DTNA: variants seen among roughly 807,000 people sequenced by gnomAD.
The protein encoded by DTNA is dystrophin-related protein 3.
In DTNA, 43 loss-of-function variants were observed where a neutral mutation model predicts 100.7. The observed-to-expected ratio is 0.43, with a 90% confidence interval of 0.33 to 0.55. The LOEUF is 0.55. Among genes scored for constraint, DTNA ranks in the 20% least tolerant of loss-of-function variants. The pLI is 0.04. For missense variants in DTNA, 798 were observed against 953.9 expected, an observed-to-expected ratio of 0.84 and a Z score of 2.15; for synonymous variants, 349 against 347.9, an observed-to-expected ratio of 1.00 and a Z score of -0.04.
chr18:34,769,569 T>C (rs886654512), intron 3 of DTNA, among the ~76,000 whole-genome samples: 4 of 151,900 alleles, frequency 2.6e-5, no homozygotes, highest in Admixed American at 2.0e-4. Context: ...GGGTGGCTTA[T>C]AAACAACATT....
intron 1 of DTNA, among the ~76,000 whole-genome samples, chr18:34,550,103 A>G (rs2045243063): frequency 6.6e-6 from 1 of 152,168 alleles, no homozygotes. Context: ...AGCTTCTAAC[A>G]GTGATATTTT....
chr18:34,827,779 T>A, intron 10 of DTNA, 103 bp downstream of exon 10: 2 of 1,135,046 alleles, frequency 1.8e-6, no homozygotes. Context: ...AGAATATTGT[T>A]ACTAGAAACT....
chr18:34,872,847 C>T (rs1031426729), intron 17 of DTNA, among the ~76,000 whole-genome samples: 5 of 152,178 alleles, frequency 3.3e-5, no homozygotes, highest in Non-Finnish European at 7.3e-5. Flanking sequence ...TAGATGGAAG[C>T]GTATGATGGC....
chr18:34,824,688 A>G (rs989245959), intron 9 of DTNA, among the ~76,000 whole-genome samples: 3 of 152,070 alleles, frequency 2.0e-5, no homozygotes, highest in African/African-American at 7.2e-5. Flanking sequence ...TTATCAATAC[A>G]TTAGAAAATA....
At chr18:34,539,574 G>A (rs770756012) in intron 1 of DTNA, among the ~76,000 whole-genome samples, 7 of 151,876 alleles carry the variant, frequency 4.6e-5, no homozygotes, top group Non-Finnish European at 2.9e-5. Flanking sequence ...CATTATGCTT[G>A]GGATTCCATC....
At chr18:34,535,106 C>A (rs796081133) in intron 1 of DTNA, among the ~76,000 whole-genome samples, 2 of 152,152 alleles carry the variant, frequency 1.3e-5, no homozygotes, top group South Asian at 4.1e-4. Context: ...TACACTCCCA[C>A]CAACAGTGTA....
At chr18:34,818,490 G>A in intron 8 of DTNA, 160 bp downstream of exon 8, 5 of 1,518,852 alleles carry the variant, frequency 3.3e-6, no homozygotes, top group South Asian at 2.5e-5. Flanking sequence ...CCTACTGCGT[G>A]CTCTTACTTA....
intron 1 of DTNA, among the ~76,000 whole-genome samples, chr18:34,587,228 C>T (rs1428090636): frequency 6.6e-6 from 1 of 151,856 alleles, no homozygotes; most frequent in Non-Finnish European, 1.5e-5. Context: ...GGAGATAACC[C>T]ATATGTTTTG....
At chr18:34,622,061 A>G (rs2056599415) in intron 1 of DTNA, among the ~76,000 whole-genome samples, 3 of 152,290 alleles carry the variant, frequency 2.0e-5, no homozygotes, top group Admixed American at 6.5e-5. Flanking sequence ...AGTTAGGAAG[A>G]GTAAGTTTTG....
chr18:34,840,589 C>G (rs1484263001), intron 13 of DTNA, among the ~76,000 whole-genome samples: 1 of 152,088 alleles, frequency 6.6e-6, no homozygotes. Flanking sequence ...TTTGTCACTA[C>G]CAGCCATTTT....
intron 4 of DTNA, among the ~76,000 whole-genome samples, chr18:34,802,889 C>CA (rs1249981850): frequency 6.6e-6 from 1 of 152,018 alleles, no homozygotes; most frequent in Non-Finnish European, 1.5e-5. Context: ...ATTTACTCTT[C>CA]AAAAAAAGCT....
chr18:34,665,264 A>T (rs2075748117), intron 1 of DTNA, among the ~76,000 whole-genome samples: 1 of 152,160 alleles, frequency 6.6e-6, no homozygotes, highest in Non-Finnish European at 1.5e-5. Context: ...CAAGATATAC[A>T]TTACAAACAA....
At chr18:34,820,066 C>T (rs2095675166) in intron 8 of DTNA, among the ~76,000 whole-genome samples, 1 of 151,162 alleles carries the variant, frequency 6.6e-6, no homozygotes, top group Non-Finnish European at 1.5e-5. Flanking sequence ...AAAATTTTGA[C>T]TGTATAACAT....
chr18:34,698,013 C>A, intron 1 of DTNA, among the ~76,000 whole-genome samples: 1 of 152,298 alleles, frequency 6.6e-6, no homozygotes, highest in South Asian at 2.1e-4. Context: ...TCATCATTCC[C>A]TTGACACACT....
chr18:34,680,235 A>C (rs796457223), intron 1 of DTNA, among the ~76,000 whole-genome samples: 4 of 152,308 alleles, frequency 2.6e-5, no homozygotes, highest in African/African-American at 7.2e-5. Flanking sequence ...GAAATGAATG[A>C]ATAAATATAT....
intron 1 of DTNA, among the ~76,000 whole-genome samples, chr18:34,512,475 C>A (rs2041189977): frequency 6.6e-6 from 1 of 152,030 alleles, no homozygotes; most frequent in Admixed American, 6.6e-5. Context: ...GCCCTCTCAT[C>A]TATGAAATAA....
chr18:34,667,493 T>TG (rs1381008279), intron 1 of DTNA, among the ~76,000 whole-genome samples: 2 of 152,214 alleles, frequency 1.3e-5, no homozygotes, highest in African/African-American at 4.8e-5. Flanking sequence ...GGCATCCCTG[T>TG]CTTGTGCCAG....
rs563236828 is a variant in DTNA at position 34,826,815 on chromosome 18, A to G, written c.1002-778A>G. Among the ~76,000 whole-genome samples, 7 of 152,284 alleles carry G rather than the reference A, an allele frequency of 4.6e-5. No individual in the cohort carries two copies. In the East Asian group the frequency reaches 1.4e-3, roughly 29 times the overall value. ...GAGATGAGATAGGGATCTTAGCCCT[A>G]TCATTTTACCTGAACTAAAACATTC... On this transcript the variant is annotated intron_variant, in intron 9 of 22. Coordinates refer to ENST00000444659, the MANE Select transcript of DTNA (RefSeq NM_001386795.1).
chr18:34,665,038 G>A (rs2144711275), intron 1 of DTNA, among the ~76,000 whole-genome samples: 1 of 150,526 alleles, frequency 6.6e-6, no homozygotes, highest in South Asian at 2.1e-4. Context: ...AAAATGCTAA[G>A]TCAAGCTCTC....
Sources: gnomAD v4.1 joint callset for allele counts (sites outside exome capture counted in the v4.1 genomes callset) on GRCh38, gnomAD v4.1.1 for gene constraint, MANE v1.5 for transcripts, NCBI Gene and HGNC (gene_info 2026-07-23, HGNC 2026-07-21) for gene names.